CSMD1: variants seen among roughly 807,000 people sequenced by gnomAD.
CSMD1 encodes CUB and sushi domain-containing protein 1.
CSMD1 carries 213 observed loss-of-function variants against 417.5 expected under a neutral mutation model. The ratio of observed to expected loss-of-function variants is 0.51; its 90% CI spans 0.46 to 0.57. CSMD1 has a LOEUF of 0.57. Ranked by LOEUF, CSMD1 falls within the 20% of genes least tolerant of loss-of-function variation. CSMD1 has a pLI of 0.00. For missense variants in CSMD1, 6,923 were observed against 4,529.7 expected, an observed-to-expected ratio of 1.53 and a Z score of -15.17; for synonymous variants, 2,862 against 1,736.8, an observed-to-expected ratio of 1.65 and a Z score of -16.11.
chr8:3,375,446 T>C (rs959900585), intron 18 of CSMD1, among the ~76,000 whole-genome samples: 1 of 152,168 alleles, frequency 6.6e-6, no homozygotes, highest in African/African-American at 2.4e-5. Context: ...AATACAGTTC[T>C]ATTTGAAGTC....
intron 5 of CSMD1, among the ~76,000 whole-genome samples, chr8:3,794,120 C>T (rs1173940556): frequency 6.6e-6 from 1 of 152,098 alleles, no homozygotes; most frequent in Non-Finnish European, 1.5e-5. Context: ...ACACACCCTG[C>T]CTAATGAACC....
intron 3 of CSMD1, among the ~76,000 whole-genome samples, chr8:4,056,117 T>A (rs1471531320): frequency 6.9e-6 from 1 of 144,248 alleles, no homozygotes; most frequent in Non-Finnish European, 1.5e-5. Flanking sequence ...AGTCTCACTT[T>A]GTCACCCAAG....
intron 6 of CSMD1, among the ~76,000 whole-genome samples, chr8:3,743,622 T>C (rs145673815): frequency 8.5e-5 from 13 of 152,248 alleles, no homozygotes; most frequent in Non-Finnish European, 1.5e-4. Context: ...CTCGAAAACC[T>C]TCCTTCCCCT....
intron 3 of CSMD1, among the ~76,000 whole-genome samples, chr8:4,343,057 A>G (rs747011909): frequency 7.2e-5 from 11 of 152,068 alleles, no homozygotes; most frequent in Non-Finnish European, 1.3e-4. Flanking sequence ...TCAACATTTT[A>G]AGTTGCCTTC....
At chr8:3,391,381 C>T (rs1811339733) in intron 17 of CSMD1, among the ~76,000 whole-genome samples, 1 of 152,104 alleles carries the variant, frequency 6.6e-6, no homozygotes, top group Admixed American at 6.6e-5. Context: ...AATGGAAAAC[C>T]TTCATACCCT....
chr8:3,292,010 G>C (rs572188852), intron 25 of CSMD1, among the ~76,000 whole-genome samples: 6 of 152,020 alleles, frequency 3.9e-5, no homozygotes, highest in African/African-American at 1.2e-4. Context: ...GTGTCCCAGA[G>C]ATTCTGGTAT....
At chr8:3,618,550 A>C (rs1802258876) in intron 7 of CSMD1, among the ~76,000 whole-genome samples, 1 of 152,054 alleles carries the variant, frequency 6.6e-6, no homozygotes, top group South Asian at 2.1e-4. Flanking sequence ...TATTTTCTAA[A>C]TGTTTAATTT....
At chr8:3,720,459 G>T (rs1802088665) in intron 6 of CSMD1, among the ~76,000 whole-genome samples, 1 of 152,132 alleles carries the variant, frequency 6.6e-6, no homozygotes, top group African/African-American at 2.4e-5. Context: ...GAATACATGT[G>T]TCCTTTCAGA....
intron 15 of CSMD1, among the ~76,000 whole-genome samples, chr8:3,401,763 C>A (rs553713571): frequency 6.6e-6 from 1 of 152,130 alleles, no homozygotes; most frequent in African/African-American, 2.4e-5. Flanking sequence ...AGCATTTCCT[C>A]ATATACCTAA....
rs148648022 is a variant in CSMD1 at position 4,733,615 on chromosome 8, G to A, written c.86-96057C>T. Among the ~76,000 whole-genome samples, 737 of 152,312 alleles carry A rather than the reference G, an allele frequency of 4.8e-3. 6 individuals carry two copies. Among genetic ancestry groups the A allele is most frequent in the African/African-American group, 0.017 (705 of 41,574 alleles). On this transcript the variant is annotated intron_variant, in intron 1 of 69. Transcript: ENST00000635120. Reference sequence around the variant, plus strand: ...ACATGTTTCAACAAAGGCCTGGAAAGCATTTTTATCCAATAGTCTACACTG... The same window carrying A: ...ACATGTTTCAACAAAGGCCTGGAAAACATTTTTATCCAATAGTCTACACTG...
intron 27 of CSMD1, among the ~76,000 whole-genome samples, chr8:3,229,775 C>T (rs1798725036): frequency 1.3e-5 from 2 of 152,106 alleles, no homozygotes; most frequent in African/African-American, 4.8e-5. Flanking sequence ...TTTGATTGAT[C>T]CATGTTTATG....
chr8:4,191,283 C>G (rs1028616451), intron 3 of CSMD1, among the ~76,000 whole-genome samples: 12 of 152,038 alleles, frequency 7.9e-5, no homozygotes, highest in Admixed American at 2.0e-4. Context: ...GTAGTCCCAG[C>G]TACTCGGGAG....
At chr8:4,369,781 C>G (rs886968887) in intron 3 of CSMD1, among the ~76,000 whole-genome samples, 3 of 152,090 alleles carry the variant, frequency 2.0e-5, no homozygotes, top group Non-Finnish European at 4.4e-5. Flanking sequence ...TTTCTGTTTG[C>G]CTGATAGATC....
chr8:3,972,451 T>A (rs993864684), intron 5 of CSMD1, among the ~76,000 whole-genome samples: 4 of 152,218 alleles, frequency 2.6e-5, no homozygotes, highest in African/African-American at 9.6e-5. Context: ...TTGTAAACAG[T>A]GATTCCTTGG....
At chr8:3,601,244 A>T (rs1801347353) in intron 8 of CSMD1, among the ~76,000 whole-genome samples, 1 of 152,138 alleles carries the variant, frequency 6.6e-6, no homozygotes, top group Admixed American at 6.5e-5. Flanking sequence ...CAAGAACATT[A>T]TTTGATGGAG....
chr8:4,210,898 A>G (rs759341407), intron 3 of CSMD1, among the ~76,000 whole-genome samples: 3 of 152,172 alleles, frequency 2.0e-5, no homozygotes, highest in Non-Finnish European at 4.4e-5. Flanking sequence ...CATATTTTCT[A>G]TAAGAAATGG....
chr8:4,541,797 AAAT>A (rs959085028), intron 2 of CSMD1, among the ~76,000 whole-genome samples: 5 of 152,126 alleles, frequency 3.3e-5, no homozygotes, highest in African/African-American at 1.2e-4. Context: ...GCTTGACCAA[AAAT>A]AATAATAATA....
intron 7 of CSMD1, among the ~76,000 whole-genome samples, chr8:3,643,777 TCACC>T (rs1797434648): frequency 6.6e-6 from 1 of 151,464 alleles, no homozygotes; most frequent in African/African-American, 2.4e-5. Context: ...GAGTCATTGT[TCACC>T]CACCAGTAAT....
chr8:3,659,006 C>G (rs1163200442), intron 7 of CSMD1, among the ~76,000 whole-genome samples: 1 of 152,160 alleles, frequency 6.6e-6, no homozygotes, highest in African/African-American at 2.4e-5. Flanking sequence ...TAAAATACTT[C>G]TAGGTCCTCA....
Sources: gnomAD v4.1 joint callset for allele counts (sites outside exome capture counted in the v4.1 genomes callset) on GRCh38, gnomAD v4.1.1 for gene constraint, MANE v1.5 for transcripts, NCBI Gene and HGNC (gene_info 2026-07-23, HGNC 2026-07-21) for gene names.